Variants in NUDT3 observed in about 807,000 individuals in gnomAD.
NUDT3 encodes the protein nudix hydrolase 3.
Under a neutral mutation model 23.6 loss-of-function variants are expected in NUDT3, and 9 were observed. The observed-to-expected ratio is 0.38, with a 90% confidence interval of 0.23 to 0.66. NUDT3 has a LOEUF of 0.66. Among genes scored for constraint, NUDT3 ranks in the 30% least tolerant of loss-of-function variants. The pLI is 0.52. For missense variants in NUDT3, 172 were observed against 218.5 expected (o/e 0.79, Z 1.34); for synonymous variants, 86 against 82.6 (o/e 1.04, Z -0.22).
intron 1 of NUDT3, among the ~76,000 whole-genome samples, chr6:34,379,506 G>C (rs896070379): frequency 6.6e-6 from 1 of 151,898 alleles, no homozygotes; most frequent in Non-Finnish European, 1.5e-5. Context: ...GTTGCAGTGA[G>C]CCAATATCAC....
chr6:34,317,846 G>C (rs199875323), intron 2 of NUDT3, among the ~76,000 whole-genome samples: 3 of 152,186 alleles, frequency 2.0e-5, no homozygotes, highest in African/African-American at 7.2e-5. Flanking sequence ...ATTACTTCTA[G>C]TCAAAGTGTC....
chr6:34,342,034 C>A, intron 1 of NUDT3, 62 bp from the exon 2 acceptor site: 2 of 1,481,422 alleles, frequency 1.4e-6, no homozygotes, highest in Non-Finnish European at 1.9e-6. Flanking sequence ...CACACAAATT[C>A]AGAGTTTAAA....
chr6:34,302,943 T>C (rs1406963760), intron 2 of NUDT3, among the ~76,000 whole-genome samples: 1 of 152,240 alleles, frequency 6.6e-6, no homozygotes, highest in Non-Finnish European at 1.5e-5. Context: ...TAATAGCATA[T>C]GCATATGATT....
At position 34,280,941 on chromosome 6, in the gene NUDT3, T is replaced by C. The variant is rs978526020; in HGVS notation, c.*7812A>G. 7 of 152,218 alleles carry C rather than the reference T, an allele frequency of 4.6e-5. No homozygotes were observed. The highest frequency in any genetic ancestry group is 1.0e-4 in the Non-Finnish European group (7 of 68,032). The allele number at this position is 152,218 out of a possible 1,614,324, so 9.4% of individuals were successfully genotyped here. On this transcript the variant is annotated 3_prime_UTR_variant, in exon 5 of 5. Transcript: ENST00000607016. ...AGGGAAAAGGGACAAGAAATACTTT[T>C]GTCCTCTAGAAAAACTTAACTCAAT...
rs953990658 is a variant in NUDT3 at position 34,349,371 on chromosome 6, G to A, written c.100-7399C>T. Among the ~76,000 whole-genome samples the A allele has an allele frequency of 2.3e-4, 32 of 139,814 alleles. 2 individuals carry two copies. The highest frequency in any genetic ancestry group is 8.3e-4 in the African/African-American group (29 of 34,798). The allele number at this position is 139,814 out of a possible 152,430, so 91.7% of individuals were successfully genotyped here. A position where few individuals can be genotyped will look rare whatever the true frequency, so the allele number is the denominator to read the frequency against. Reference sequence around the variant, plus strand: ...CAGGACGTGGGAATATGACTCCTTGGATATGGGCTGGGTCAATGGTGTAGC... The same window carrying A: ...CAGGACGTGGGAATATGACTCCTTGAATATGGGCTGGGTCAATGGTGTAGC... On this transcript the variant is annotated intron_variant, in intron 1 of 4. Coordinates refer to ENST00000607016, the MANE Select transcript of NUDT3 (RefSeq NM_006703.4).
rs547184320 is a variant in NUDT3, at chr6:34,280,706, T to A, written c.*8047A>T. On this transcript the variant is annotated 3_prime_UTR_variant, in exon 5 of 5. Transcript: ENST00000607016. The stretch of plus-strand genomic sequence containing the variant: ...CCCAAGAGATTAGGTGACCTAATGA[T>A]GAGAAGGCTAACTTATTTGCTTTCC... 1 of 152,248 alleles carries A rather than the reference T, an allele frequency of 6.6e-6. No individual in the cohort carries two copies. Among genetic ancestry groups the A allele is most frequent in the Non-Finnish European group, 1.5e-5 (1 of 68,066 alleles). The allele number at this position is 152,248 out of a possible 1,614,324, so 9.4% of individuals were successfully genotyped here.
chr6:34,320,310 C>T (rs1054909232), intron 2 of NUDT3, among the ~76,000 whole-genome samples: 4 of 152,084 alleles, frequency 2.6e-5, no homozygotes, highest in Admixed American at 6.5e-5. Context: ...ACTGCAACCT[C>T]CGCCTCCCGG....
At chr6:34,328,842 T>C (rs1410021699) in intron 2 of NUDT3, among the ~76,000 whole-genome samples, 1 of 152,192 alleles carries the variant, frequency 6.6e-6, no homozygotes, top group African/African-American at 2.4e-5. Flanking sequence ...TGCTACTAAA[T>C]GATATATAAT....
At chr6:34,334,446 C>T (rs933324884) in intron 2 of NUDT3, among the ~76,000 whole-genome samples, 2 of 151,052 alleles carry the variant, frequency 1.3e-5, no homozygotes, top group African/African-American at 4.9e-5. Flanking sequence ...AAGAGACCAG[C>T]CTGACCAACA....
In NUDT3 at chr6:34,326,661, C is replaced by T. The variant is rs112862512; in HGVS notation, c.210+15201G>A. On this transcript the variant is annotated intron_variant, in intron 2 of 4. Transcript: ENST00000607016. ...TGCTGCCCAGGCTGGAGTGCAGTGGCGTGATCTCAGCTCACTGCAACCTCT... is the reference window on the plus strand; with the variant it reads ...TGCTGCCCAGGCTGGAGTGCAGTGGTGTGATCTCAGCTCACTGCAACCTCT... Among the ~76,000 whole-genome samples the T allele has an allele frequency of 8.5e-3, 1,289 of 151,420 alleles. 18 individuals carry two copies. The highest frequency in any genetic ancestry group is 0.027 in the African/African-American group (1,103 of 41,228).
chr6:34,319,008 G>A (rs536509868), intron 2 of NUDT3, among the ~76,000 whole-genome samples: 29 of 151,492 alleles, frequency 1.9e-4, no homozygotes, highest in African/African-American at 6.3e-4. Context: ...AGGAGAGATA[G>A]GGCTTTTCTA....
intron 1 of NUDT3, among the ~76,000 whole-genome samples, chr6:34,366,458 G>A (rs1764732615): frequency 8.1e-6 from 1 of 123,274 alleles, no homozygotes; most frequent in South Asian, 3.1e-4. Flanking sequence ...GAGAGAGAGA[G>A]AAAGAGAGAG....
intron 1 of NUDT3, among the ~76,000 whole-genome samples, chr6:34,342,311 AAAAG>A (rs1424545348): frequency 1.4e-5 from 2 of 144,966 alleles, no homozygotes; most frequent in Non-Finnish European, 3.0e-5. Flanking sequence ...AAAAAAAAAA[AAAAG>A]AGGATTGTCA....
intron 1 of NUDT3, among the ~76,000 whole-genome samples, chr6:34,362,699 C>T (rs1221906350): frequency 1.3e-5 from 2 of 151,948 alleles, no homozygotes; most frequent in African/African-American, 4.8e-5. Flanking sequence ...CAAGTGATCC[C>T]CCCACCTCAA....
intron 2 of NUDT3, among the ~76,000 whole-genome samples, chr6:34,329,922 A>AGTTT (rs1764102842): frequency 2.6e-5 from 4 of 152,254 alleles, no homozygotes; most frequent in African/African-American, 9.6e-5. Flanking sequence ...TCCTTGTGAC[A>AGTTT]GTTTGCTCAG....
intron 1 of NUDT3, among the ~76,000 whole-genome samples, chr6:34,368,764 G>A (rs1480927926): frequency 6.6e-6 from 1 of 152,084 alleles, no homozygotes; most frequent in African/African-American, 2.4e-5. Context: ...TCAGCCTCCT[G>A]AGTAGCTCAG....
At chr6:34,291,594 C>G (rs1763423650) in intron 4 of NUDT3, among the ~76,000 whole-genome samples, 1 of 152,068 alleles carries the variant, frequency 6.6e-6, no homozygotes, top group South Asian at 2.1e-4. Context: ...CCTCCACCTC[C>G]TAGGTTCAAG....
chr6:34,341,967 T>C lies in NUDT3; in HGVS notation c.105A>G (p.Leu35=). Residue 35 remains leucine, a synonymous_variant, in exon 2 of 5, where the codon CTA becomes CTG. Coordinates refer to ENST00000607016, the MANE Select transcript of NUDT3 (RefSeq NM_006703.4). The part of the protein sequence containing the change: ...CFRSESEEEV[L]LVSSSRHPDR... ...CTGGATGGCGACTACTGCTCACGAG[T>C]AGCACCTGTTAAGTCACAAAGGTTG... 2 of 1,612,402 alleles carry C rather than the reference T, an allele frequency of 1.2e-6. No individual in the cohort carries two copies. Among genetic ancestry groups the C allele is most frequent in the Non-Finnish European group, 1.7e-6 (2 of 1,179,314 alleles).
At chr6:34,388,126 T>C (rs986353895) in intron 1 of NUDT3, among the ~76,000 whole-genome samples, 2 of 152,206 alleles carry the variant, frequency 1.3e-5, no homozygotes, top group Non-Finnish European at 2.9e-5. Context: ...CTGTACAGTT[T>C]TGCAGCTTAG....
Sources: allele counts gnomAD v4.1 joint callset (sites outside exome capture counted in the v4.1 genomes callset), GRCh38; gene constraint gnomAD v4.1.1; transcripts MANE v1.5; gene names NCBI Gene and HGNC (gene_info 2026-07-23, HGNC 2026-07-21).